The following TRAM2 variants were observed in gnomAD, a reference collection of about 807,000 sequenced individuals.
TRAM2 encodes the protein translocating chain-associated membrane protein 2.
Under a neutral mutation model 51.0 loss-of-function variants are expected in TRAM2, and 12 were observed. The observed-to-expected ratio is 0.24, with a 90% CI of 0.15 to 0.38. TRAM2 has a LOEUF of 0.38. Among genes scored for constraint, TRAM2 ranks in the 10% least tolerant of loss-of-function variants. The probability of loss-of-function intolerance (pLI) is 1.00; values close to 1 mark genes in which losing one functional copy is unlikely to be tolerated. For missense variants in TRAM2, 361 were observed against 462.0 expected (o/e 0.78, Z 2.00); for synonymous variants, 175 against 179.4 (o/e 0.98, Z 0.20).
Position 52,576,910 on chromosome 6 carries a change from A to T in TRAM2, c.6T>A (p.Ala2=). The T allele has an allele frequency of 6.2e-7, 1 of 1,611,776 alleles. No homozygotes were observed. Residue 2 remains alanine (A), a synonymous_variant, in exon 1 of 11, where the codon GCT becomes GCA. Coordinates refer to ENST00000182527, the MANE Select transcript of TRAM2 (RefSeq NM_012288.4). ...GGTAACTTTTCGTCCTCCTGCGGAA[A>T]GCCATGGCAGCGGGCGCGCAGCGGC... is the stretch of plus-strand genomic sequence containing the variant. The part of the protein sequence containing the change: M[A]FRRRTKSYPL...
intron 2 of TRAM2, chr6:52,523,030 G>A (rs1766705965): frequency 3.1e-6 from 2 of 644,804 alleles, no homozygotes. Context: ...ACTCATGTGA[G>A]CCAGGGCAGG....
rs757423572 is a variant in TRAM2, at chr6:52,516,162, G to A, written c.295-40C>T. On this transcript the variant is annotated intron_variant, in intron 3 of 10. Transcript: ENST00000182527. Reference sequence around the variant, plus strand: ...AAACCCCTCATATTAATATACAAATGTATCCATATTGGGCAGGTTTCAAAC... The same window carrying A: ...AAACCCCTCATATTAATATACAAATATATCCATATTGGGCAGGTTTCAAAC... 12 of 1,570,372 alleles carry A rather than the reference G, an allele frequency of 7.6e-6. No individual in the cohort carries two copies. In the African/African-American group the frequency reaches 9.5e-5, roughly 12 times the overall value.
At chr6:52,576,635 A>T (rs564854608) in intron 1 of TRAM2, among the ~76,000 whole-genome samples, 161 bp downstream of exon 1, 2 of 152,262 alleles carry the variant, frequency 1.3e-5, no homozygotes, top group South Asian at 2.1e-4. Flanking sequence ...TGGCCGGGGT[A>T]CAGGCCGGAG....
intron 1 of TRAM2, among the ~76,000 whole-genome samples, chr6:52,560,171 G>C (rs1006379298): frequency 6.6e-6 from 1 of 152,016 alleles, no homozygotes; most frequent in Non-Finnish European, 1.5e-5. Context: ...TTGAACCTGG[G>C]AGGCGAAGGA....
chr6:52,553,813 G>A (rs1767352967), intron 1 of TRAM2, among the ~76,000 whole-genome samples: 1 of 152,148 alleles, frequency 6.6e-6, no homozygotes, highest in Non-Finnish European at 1.5e-5. Flanking sequence ...GGATTAGAAG[G>A]TCAAATGTAG....
rs1485537828 is a variant in TRAM2, at chr6:52,501,294, A to C, written c.*1903T>G. ...GCAACCTTATCGTAGAGAGGGATGA[A>C]GGCCTCCAATGGCGTTAGGAAACAA... On this transcript the variant is annotated 3_prime_UTR_variant, in exon 11 of 11. Transcript: ENST00000182527. The C allele has an allele frequency of 6.6e-6, 1 of 152,232 alleles. No homozygotes were observed. The highest frequency in any genetic ancestry group is 1.5e-5 in the Non-Finnish European group (1 of 68,042). 9.4% of individuals were successfully genotyped at this position (152,232 alleles called of 1,614,324 possible). A position where few individuals can be genotyped will look rare whatever the true frequency, so the allele number is the denominator to read the frequency against.
rs910017104 is a variant in TRAM2, at chr6:52,576,881, A to G, written c.35T>C (p.Leu12Pro). Residue 12 changes from leucine (L) to proline (P), a missense_variant, in exon 1 of 11, where the codon CTC becomes CCC. By Grantham distance (98) the Leu-to-Pro change is moderately conservative. Transcript: ENST00000182527. ...AFRRRTKSYP[L>P]FSQEFVIHNH... Reference sequence around the variant, plus strand: ...GTGGATGACGAACTCCTGGCTGAAGAGCGGGTAACTTTTCGTCCTCCTGCG... The same window carrying G: ...GTGGATGACGAACTCCTGGCTGAAGGGCGGGTAACTTTTCGTCCTCCTGCG... 3 of 1,613,430 alleles carry G rather than the reference A, an allele frequency of 1.9e-6. No homozygotes were observed. The Admixed American group carries it at 5.0e-5, about 27-fold the overall frequency.
intron 2 of TRAM2, among the ~76,000 whole-genome samples, chr6:52,534,480 A>T (rs1165420140): frequency 6.6e-6 from 1 of 152,208 alleles, no homozygotes; most frequent in Non-Finnish European, 1.5e-5. Flanking sequence ...GCTGCCCAGG[A>T]CTTTGCCACT....
chr6:52,515,452 C>G (rs956219962), intron 4 of TRAM2, among the ~76,000 whole-genome samples: 1 of 152,214 alleles, frequency 6.6e-6, no homozygotes, highest in Non-Finnish European at 1.5e-5. Flanking sequence ...GGCATTGACT[C>G]TCACAGGATT....
chr6:52,506,197 T>C (rs556380089), intron 7 of TRAM2, 61 bp from the exon 8 acceptor site: 16 of 1,500,968 alleles, frequency 1.1e-5, no homozygotes, highest in South Asian at 9.0e-5. Context: ...GCAGAAGCCA[T>C]TGCATCTTGG....
At chr6:52,505,293 G>C (rs1766326254) in intron 9 of TRAM2, among the ~76,000 whole-genome samples, 1 of 152,216 alleles carries the variant, frequency 6.6e-6, no homozygotes, top group Non-Finnish European at 1.5e-5. Flanking sequence ...CCACACACAA[G>C]AAGAGGAGAA....
At chr6:52,527,764 T>G (rs986470870) in intron 2 of TRAM2, among the ~76,000 whole-genome samples, 3 of 152,232 alleles carry the variant, frequency 2.0e-5, no homozygotes, top group Admixed American at 1.3e-4. Context: ...AAGCTGCGTC[T>G]GAAGAAGACA....
chr6:52,525,150 T>C (rs2114077904), intron 2 of TRAM2: 1 of 152,376 alleles, frequency 6.6e-6, no homozygotes, highest in Non-Finnish European at 1.5e-5. Flanking sequence ...TAGGCAGCAG[T>C]GGGGCCAGGA....
In TRAM2 at chr6:52,508,261, AG is replaced by A; in HGVS notation, c.527del (p.Pro176LeufsTer27). The A allele has an allele frequency of 6.2e-7, 1 of 1,614,134 alleles. No homozygotes were observed. Among genetic ancestry groups the A allele is most frequent in the Non-Finnish European group, 8.5e-7 (1 of 1,180,030 alleles). On this transcript the variant is annotated frameshift_variant, in exon 6 of 11. Coordinates refer to ENST00000182527, the MANE Select transcript of TRAM2 (RefSeq NM_012288.4). LOFTEE classifies it high-confidence loss of function. ...TCCGTACCTTCTGGAAGTATAGCTC[AG>A]GAAGTGCGTGCAGCCAGTAGGCCAG... ...CQLAYWLHALPELYFQKVRKE... is the reference protein window; with the variant it reads ...CQLAYWLHALXELYFQKVRKE...
intron 2 of TRAM2, chr6:52,529,720 C>T (rs548673916): frequency 6.6e-6 from 1 of 152,292 alleles, no homozygotes; most frequent in South Asian, 2.1e-4. Context: ...CAAGACCATT[C>T]AGCGTTAAGT....
chr6:52,538,254 A>C (rs1767008916), intron 1 of TRAM2, among the ~76,000 whole-genome samples: 1 of 152,164 alleles, frequency 6.6e-6, no homozygotes, highest in Non-Finnish European at 1.5e-5. Context: ...AGAAATGCAC[A>C]TGTCTTTTAG....
In TRAM2 at chr6:52,546,777, CAGGCAGGAGACCATTGTA is replaced by C. The variant is rs563474597; in HGVS notation, c.121-10949_121-10932del. 2.1e-3 allele frequency among the ~76,000 whole-genome samples: 317 copies of C among 152,196 alleles called. 3 individuals carry two copies. The highest frequency in any genetic ancestry group is 6.8e-3 in the Middle Eastern group (2 of 292). ...GAAACCCAGAAGGAGCCCAGCAGCC[CAGGCAGGAGACCATTGTA>C]AGGAGTCAGCTGCACACCTGCAGAT... On this transcript the variant is annotated intron_variant, in intron 1 of 10. Transcript: ENST00000182527.
chr6:52,507,825 G>T lies in TRAM2; in HGVS notation c.556-202C>A, dbSNP rs1033045424. 2.0e-5 allele frequency among the ~76,000 whole-genome samples: 3 copies of T among 152,192 alleles called. No homozygotes were observed. In the East Asian group the frequency reaches 5.8e-4, roughly 29 times the overall value. ...CATTCAGGTCCATTCCCAAATTCCA[G>T]CAGCCTTGGGTCTAGTGTCAGAGGG... is the stretch of plus-strand genomic sequence containing the variant. On this transcript the variant is annotated intron_variant, in intron 6 of 10. Transcript: ENST00000182527.
rs561702226 is a variant in TRAM2 at position 52,538,454 on chromosome 6, C to T, written c.121-2608G>A. ...TCCTCAGGGCAGGAGCTGGGCCAAC[C>T]GGACACCCTGCCCTGGGCTCTGGGT... On this transcript the variant is annotated intron_variant, in intron 1 of 10. Transcript: ENST00000182527. Among the ~76,000 whole-genome samples, 12 of 152,268 alleles carry T rather than the reference C, an allele frequency of 7.9e-5. No individual in the cohort carries two copies. The South Asian group carries it at 1.2e-3, about 16-fold the overall frequency.
Sources: gnomAD v4.1 joint callset for allele counts (sites outside exome capture counted in the v4.1 genomes callset) on GRCh38, gnomAD v4.1.1 for gene constraint, MANE v1.5 for transcripts, NCBI Gene and HGNC (gene_info 2026-07-23, HGNC 2026-07-21) for gene names.